Variants in GDPD5 observed in about 807,000 individuals in gnomAD.
The protein encoded by GDPD5 is glycerophosphodiester phosphodiesterase domain containing 5.
GDPD5 carries 48 observed loss-of-function variants against 75.1 expected under a neutral mutation model. That is an observed-to-expected ratio of 0.64 (90% CI 0.51 to 0.81). The LOEUF (loss-of-function observed/expected upper bound fraction) is 0.81. Among genes scored for constraint, GDPD5 ranks in the 40% least tolerant of loss-of-function variants. GDPD5 has a pLI of 0.00. For synonymous variants in GDPD5, 336 were observed against 339.0 expected (o/e 0.99, Z 0.10); for missense variants, 706 against 822.6 (o/e 0.86, Z 1.73).
At chr11:75,519,292 C>T (rs763597793) in intron 1 of GDPD5, among the ~76,000 whole-genome samples, 1 of 152,154 alleles carries the variant, frequency 6.6e-6, no homozygotes, top group African/African-American at 2.4e-5. Flanking sequence ...AACATGGGCA[C>T]CACCTCCAGG....
chr11:75,473,904 G>A (rs571598283), intron 3 of GDPD5, among the ~76,000 whole-genome samples: 2 of 152,208 alleles, frequency 1.3e-5, no homozygotes, highest in Non-Finnish European at 2.9e-5. Flanking sequence ...GGGTGGTCCA[G>A]GTGTGTCTGA....
rs777149246 is a variant in GDPD5 at position 75,444,423 on chromosome 11, T to A, written c.787A>T (p.Ile263Phe). 1 of 1,612,862 alleles carries A rather than the reference T, an allele frequency of 6.2e-7. No homozygotes were observed. The highest frequency in any genetic ancestry group is 1.1e-5 in the South Asian group (1 of 91,058). ...EQKLYGLQAD[I>F]TISLDGVPFL... ...CTCCGCTACACCTACCTGATGGTAATGTCAGCCTGGAGCCCGTACAGCTTC... is the reference window on the plus strand; with the variant it reads ...CTCCGCTACACCTACCTGATGGTAAAGTCAGCCTGGAGCCCGTACAGCTTC... Residue 263 changes from isoleucine to phenylalanine, a missense_variant, in exon 10 of 17, where the codon ATT (isoleucine) becomes TTT (phenylalanine). Transcript: ENST00000336898.
intron 1 of GDPD5, among the ~76,000 whole-genome samples, chr11:75,501,630 C>G (rs1053550765): frequency 2.6e-5 from 4 of 152,200 alleles, no homozygotes; most frequent in African/African-American, 9.6e-5. Flanking sequence ...CAACAGCCAC[C>G]TGAACAGTCT....
intron 1 of GDPD5, among the ~76,000 whole-genome samples, chr11:75,523,335 C>T (rs183061926): frequency 6.2e-4 from 94 of 152,284 alleles, no homozygotes; most frequent in Middle Eastern, 3.4e-3. Context: ...CCGCTTAGCC[C>T]GTCTGGGTAA....
intron 1 of GDPD5, among the ~76,000 whole-genome samples, chr11:75,524,531 C>T (rs903138963): frequency 6.6e-6 from 1 of 152,218 alleles, no homozygotes; most frequent in African/African-American, 2.4e-5. Flanking sequence ...AGGTGAGTCA[C>T]GTGAGCCACA....
intron 3 of GDPD5, among the ~76,000 whole-genome samples, chr11:75,470,187 G>A (rs1949628187): frequency 6.6e-6 from 1 of 152,246 alleles, no homozygotes; most frequent in Non-Finnish European, 1.5e-5. Flanking sequence ...AAGCCAGACA[G>A]AGAAAAGGAG....
At chr11:75,445,547 G>A (rs1333758448) in intron 9 of GDPD5, among the ~76,000 whole-genome samples, 2 of 152,234 alleles carry the variant, frequency 1.3e-5, no homozygotes, top group South Asian at 2.1e-4. Context: ...CCAGGTCCAT[G>A]AGGGATGGTC....
At chr11:75,481,669 C>T (rs528496198) in intron 2 of GDPD5, among the ~76,000 whole-genome samples, 20 of 152,180 alleles carry the variant, frequency 1.3e-4, no homozygotes, top group Middle Eastern at 6.8e-3. Context: ...TCCCAGCCTT[C>T]CCGCAGGGGT....
chr11:75,436,818 C>T lies in GDPD5; in HGVS notation c.1669+118G>A, dbSNP rs903147353. 2.4e-4 allele frequency: 175 copies of T among 741,264 alleles called. No individual in the cohort carries two copies. In the African/African-American group the frequency reaches 2.5e-3, roughly 10 times the overall value. 45.9% of individuals were successfully genotyped at this position (741,264 alleles called of 1,614,324 possible). A position where few individuals can be genotyped will look rare whatever the true frequency, so the allele number is the denominator to read the frequency against. ...CCGGTGGGTTTATGTACGTCTGTGC[C>T]CTTGTCCCTACCCATATGTGCCACA... On this transcript the variant is annotated intron_variant, in intron 16 of 16. Coordinates refer to ENST00000336898, the MANE Select transcript of GDPD5 (RefSeq NM_030792.8).
intron 1 of GDPD5, chr11:75,515,929 C>T (rs1259564264): frequency 6.6e-6 from 1 of 152,236 alleles, no homozygotes; most frequent in Non-Finnish European, 1.5e-5. Flanking sequence ...GGGCTGAGAG[C>T]CCCTTCATTA....
At chr11:75,503,240 C>G (rs944965800) in intron 1 of GDPD5, among the ~76,000 whole-genome samples, 10 of 152,132 alleles carry the variant, frequency 6.6e-5, no homozygotes, top group African/African-American at 2.4e-5. Flanking sequence ...AGGCTGGTCT[C>G]GAACTCCTGA....
chr11:75,448,750 C>A, intron 9 of GDPD5: 2 of 1,223,446 alleles, frequency 1.6e-6, no homozygotes, highest in Non-Finnish European at 2.1e-6. Context: ...TGCATCTTTG[C>A]AGGGCACTTA....
chr11:75,457,046 G>A (rs1346618869), intron 5 of GDPD5, among the ~76,000 whole-genome samples: 2 of 152,232 alleles, frequency 1.3e-5, no homozygotes, highest in Admixed American at 1.3e-4. Context: ...CTTCCTCTGT[G>A]TGATTCCCCG....
intron 1 of GDPD5, among the ~76,000 whole-genome samples, chr11:75,519,187 C>T (rs1950704949): frequency 6.6e-6 from 1 of 152,084 alleles, no homozygotes; most frequent in African/African-American, 2.4e-5. Flanking sequence ...GTCCTGGGGT[C>T]TGCCCAAGCT....
intron 1 of GDPD5, among the ~76,000 whole-genome samples, chr11:75,520,775 G>C (rs1322570888): frequency 6.6e-6 from 1 of 152,212 alleles, no homozygotes; most frequent in East Asian, 1.9e-4. Context: ...CACCCCAAAG[G>C]GGGCAAAGGG....
intron 3 of GDPD5, among the ~76,000 whole-genome samples, chr11:75,472,127 A>T (rs959613655): frequency 1.3e-5 from 2 of 152,054 alleles, no homozygotes; most frequent in Non-Finnish European, 2.9e-5. Flanking sequence ...CCTATCCATG[A>T]TCTAATTGTA....
At chr11:75,470,324 A>G (rs1233264650) in intron 3 of GDPD5, among the ~76,000 whole-genome samples, 1 of 152,242 alleles carries the variant, frequency 6.6e-6, no homozygotes, top group African/African-American at 2.4e-5. Context: ...TTTCTTATAT[A>G]TCATTTGAAT....
chr11:75,511,332 TG>T (rs1324123218), intron 1 of GDPD5, among the ~76,000 whole-genome samples: 18 of 152,134 alleles, frequency 1.2e-4, no homozygotes, highest in African/African-American at 4.4e-4. Flanking sequence ...ATCTTCTCAC[TG>T]CATTCTCAAG....
chr11:75,442,632 C>T, intron 11 of GDPD5, 51 bp from the exon 12 acceptor site: 3 of 1,530,498 alleles, frequency 2.0e-6, no homozygotes, highest in Non-Finnish European at 2.7e-6. Context: ...CCTTTGGGGG[C>T]CCCCACATAC....
Sources: gnomAD v4.1 joint callset for allele counts (sites outside exome capture counted in the v4.1 genomes callset) on GRCh38, gnomAD v4.1.1 for gene constraint, MANE v1.5 for transcripts, NCBI Gene and HGNC (gene_info 2026-07-23, HGNC 2026-07-21) for gene names.